Variants in EXTL2 observed in about 807,000 individuals in gnomAD.
EXTL2 encodes exostosin like glycosyltransferase 2.
Under a neutral mutation model 30.7 loss-of-function variants are expected in EXTL2, and 23 were observed. The observed-to-expected ratio is 0.75, with a 90% confidence interval of 0.54 to 1.06. The LOEUF (loss-of-function observed/expected upper bound fraction) is 1.06. EXTL2 is among the 50% of genes least tolerant of loss of function. EXTL2 has a pLI of 0.00. For synonymous variants in EXTL2, 123 were observed against 133.8 expected (o/e 0.92, Z 0.56); for missense variants, 352 against 396.3 (o/e 0.89, Z 0.95).
chr1:100,876,847 C>A lies in EXTL2; in HGVS notation c.451G>T (p.Asp151Tyr). ...LETNAVLMVD[D>Y]DTLISTPDLV... Reference sequence around the variant, plus strand: ...TCTGGGGTGCTGATGAGTGTGTCATCATCTACCATCAACACTGCTAAAATG... The same window carrying A: ...TCTGGGGTGCTGATGAGTGTGTCATAATCTACCATCAACACTGCTAAAATG... The change falls in exon 4 of 5, where the codon GAT (aspartate) becomes TAT (tyrosine). Residue 151 changes from aspartate (D) to tyrosine (Y), a missense_variant. Coordinates refer to ENST00000370114, the MANE Select transcript of EXTL2 (RefSeq NM_001033025.3). 6.2e-7 allele frequency: 1 copy of A among 1,611,562 alleles called. No homozygotes were observed. The highest frequency in any genetic ancestry group is 8.5e-7 in the Non-Finnish European group (1 of 1,178,200).
chr1:100,894,427 C>T (rs1650701632), intron 1 of EXTL2, among the ~76,000 whole-genome samples: 1 of 152,162 alleles, frequency 6.6e-6, no homozygotes, highest in Admixed American at 6.5e-5. Flanking sequence ...CTTCCCAGAA[C>T]TTACTTCTGA....
intron 1 of EXTL2, among the ~76,000 whole-genome samples, chr1:100,894,223 A>T (rs1315260395): frequency 6.6e-6 from 1 of 152,146 alleles, no homozygotes; most frequent in Non-Finnish European, 1.5e-5. Context: ...TTACCATAGA[A>T]TTATTTATCT....
intron 2 of EXTL2, among the ~76,000 whole-genome samples, chr1:100,878,202 A>G (rs1649281233): frequency 6.6e-6 from 1 of 152,116 alleles, no homozygotes; most frequent in Non-Finnish European, 1.5e-5. Flanking sequence ...TCCAGAACTG[A>G]GATTATTTTT....
At chr1:100,889,409 C>CA (rs1160904804) in intron 1 of EXTL2, among the ~76,000 whole-genome samples, 1 of 152,144 alleles carries the variant, frequency 6.6e-6, no homozygotes. Context: ...GGTGGGGACA[C>CA]AGCCAAACCA....
chr1:100,887,260 T>C (rs555641430), intron 2 of EXTL2, among the ~76,000 whole-genome samples: 4 of 152,362 alleles, frequency 2.6e-5, no homozygotes, highest in African/African-American at 7.2e-5. Flanking sequence ...GTAAGAGAAA[T>C]GGATTTCATA....
intron 2 of EXTL2, among the ~76,000 whole-genome samples, chr1:100,883,934 G>A (rs116655359): frequency 2.9e-4 from 44 of 152,252 alleles, no homozygotes; most frequent in African/African-American, 1.0e-3. Context: ...TTCTGTCATG[G>A]ATGTCTTTAA....
intron 4 of EXTL2, 81 bp downstream of exon 4, chr1:100,876,713 T>G (rs1487261726): frequency 2.4e-5 from 22 of 911,424 alleles, no homozygotes; most frequent in Middle Eastern, 4.4e-4. Flanking sequence ...TTAGGTAACT[T>G]CTATATTAAC....
In EXTL2 at chr1:100,874,394, T is replaced by G; in HGVS notation, c.541A>C (p.Lys181Gln). The change falls in exon 5 of 5, where the codon AAG becomes CAG. Residue 181 changes from lysine (K) to glutamine (Q), a missense_variant. Transcript: ENST00000370114. ...PDQIVGFVPR[K>Q]HVSTSSGIYS... ...ATACCTGATGAAGTAGAGACGTGCTTTCTAGGAACAAATCCTACAATTTGA... is the reference window on the plus strand; with the variant it reads ...ATACCTGATGAAGTAGAGACGTGCTGTCTAGGAACAAATCCTACAATTTGA... 1 of 1,605,076 alleles carries G rather than the reference T, an allele frequency of 6.2e-7. No homozygotes were observed. Among genetic ancestry groups the G allele is most frequent in the Admixed American group, 1.7e-5 (1 of 58,822 alleles).
chr1:100,890,291 T>C (rs1487433940), intron 1 of EXTL2, among the ~76,000 whole-genome samples: 1 of 152,206 alleles, frequency 6.6e-6, no homozygotes, highest in Non-Finnish European at 1.5e-5. Context: ...GTCCCAAGGC[T>C]GCACAGAGTA....
Position 100,886,874 on chromosome 1 carries a change from GATA to G in EXTL2, c.5+1876_5+1878del, listed in dbSNP as rs144774658. Among the ~76,000 whole-genome samples the G allele has an allele frequency of 6.3e-3, 952 of 152,262 alleles. 16 individuals carry two copies. The highest frequency in any genetic ancestry group is 0.02 in the African/African-American group (827 of 41,526). On this transcript the variant is annotated intron_variant, in intron 2 of 4. Coordinates refer to ENST00000370114, the MANE Select transcript of EXTL2 (RefSeq NM_001033025.3). ...AATTGTAGCTATTGATGATGATAAT[GATA>G]ATGATGATGATGTTTGGAGATGACC...
chr1:100,880,877 G>GTTTTAATC (rs1406239526), intron 2 of EXTL2: 1 of 810,364 alleles, frequency 1.2e-6, no homozygotes, highest in Non-Finnish European at 1.5e-6. Flanking sequence ...CTATCTAGCA[G>GTTTTAATC]TTTTAATCTA....
intron 2 of EXTL2, among the ~76,000 whole-genome samples, chr1:100,883,113 T>C (rs997200195): frequency 4.6e-5 from 7 of 152,176 alleles, no homozygotes; most frequent in Non-Finnish European, 8.8e-5. Flanking sequence ...TATGCTAGGG[T>C]AAATTCTGCA....
intron 1 of EXTL2, among the ~76,000 whole-genome samples, chr1:100,890,967 G>T (rs561642794): frequency 1.3e-5 from 2 of 152,306 alleles, no homozygotes; most frequent in East Asian, 3.9e-4. Flanking sequence ...TGAGGTGCTT[G>T]CTGAAAGCAA....
chr1:100,883,000 T>C (rs938269861), intron 2 of EXTL2, among the ~76,000 whole-genome samples: 4 of 152,188 alleles, frequency 2.6e-5, no homozygotes, highest in African/African-American at 9.7e-5. Flanking sequence ...GGTCCGGGGA[T>C]AAGGAACTTG....
chr1:100,876,232 C>A (rs555058541), intron 4 of EXTL2, among the ~76,000 whole-genome samples: 1 of 151,898 alleles, frequency 6.6e-6, no homozygotes. Context: ...TAGGAGAGAG[C>A]GGCTTTTATA....
chr1:100,877,394 G>T lies in EXTL2; in HGVS notation c.433+82C>A. On this transcript the variant is annotated intron_variant, in intron 3 of 4. Coordinates refer to ENST00000370114, the MANE Select transcript of EXTL2 (RefSeq NM_001033025.3). This position sits in a 1 kb window ranked among gnomAD's most constrained non-coding sequence, Gnocchi z 4.1. Reference sequence around the variant, plus strand: ...CCTTCATTTTTCTCCAGACGGTTAAGCAGAAGGCCAGAAATTCACATGTCT... The same window carrying T: ...CCTTCATTTTTCTCCAGACGGTTAATCAGAAGGCCAGAAATTCACATGTCT... 7.7e-7 allele frequency: 1 copy of T among 1,293,148 alleles called. No homozygotes were observed. The highest frequency in any genetic ancestry group is 1.1e-6 in the Non-Finnish European group (1 of 949,834). 80.1% of individuals were successfully genotyped at this position (1,293,148 alleles called of 1,614,324 possible).
chr1:100,875,653 G>A (rs764450824), intron 4 of EXTL2, among the ~76,000 whole-genome samples: 3 of 151,980 alleles, frequency 2.0e-5, no homozygotes, highest in Non-Finnish European at 4.4e-5. Context: ...TGCTATGCAG[G>A]GTTTGGGTTG....
chr1:100,892,051 A>G (rs934780207), intron 1 of EXTL2, among the ~76,000 whole-genome samples: 4 of 152,190 alleles, frequency 2.6e-5, no homozygotes, highest in African/African-American at 9.7e-5. Flanking sequence ...AGAAATGTGT[A>G]TGGGTTCAAG....
intron 2 of EXTL2, chr1:100,881,184 C>G (rs79517265): frequency 5.7e-6 from 2 of 351,460 alleles, no homozygotes; most frequent in African/African-American, 4.5e-5. Flanking sequence ...TAGTAAAGTA[C>G]GAAAAGCAAG....
Sources: allele counts gnomAD v4.1 joint callset (sites outside exome capture counted in the v4.1 genomes callset), GRCh38; gene constraint gnomAD v4.1.1; non-coding constraint Gnocchi (gnomAD v3.1); transcripts MANE v1.5; gene names NCBI Gene and HGNC (gene_info 2026-07-23, HGNC 2026-07-21).